PHF24: variants seen among roughly 807,000 people sequenced by gnomAD.
PHF24 encodes PHD finger protein 24.
In PHF24, 25 loss-of-function variants were observed where a neutral mutation model predicts 42.6. The observed-to-expected ratio is 0.59, with a 90% CI of 0.43 to 0.82. PHF24 has a LOEUF of 0.82. Ranked by LOEUF, PHF24 falls within the 40% of genes least tolerant of loss-of-function variation. PHF24 has a pLI of 0.00. For missense variants in PHF24, 470 were observed against 538.1 expected (o/e 0.87, Z 1.25); for synonymous variants, 185 against 204.8 (o/e 0.90, Z 0.83).
the PHF24 span, among the ~76,000 whole-genome samples, chr9:34,791,905 T>C: frequency 6.6e-6 from 1 of 152,136 alleles, no homozygotes; most frequent in Non-Finnish European, 1.5e-5. Context: ...AGAGAGACAA[T>C]GGAGACAGGT....
chr9:34,680,707 TAA>T, the PHF24 span, among the ~76,000 whole-genome samples: 4 of 60,060 alleles, frequency 6.7e-5, no homozygotes, highest in Admixed American at 1.5e-4. Flanking sequence ...AATAAATAAA[TAA>T]AAAAAAAAAT....
upstream of PHF24, among the ~76,000 whole-genome samples, chr9:34,954,509 A>C (rs1319648845): frequency 6.6e-6 from 1 of 152,200 alleles, no homozygotes; most frequent in Non-Finnish European, 1.5e-5. Context: ...TATTGCAAGC[A>C]AAAAGGTTGC....
the PHF24 span, among the ~76,000 whole-genome samples, chr9:34,824,812 T>G: frequency 6.6e-6 from 1 of 152,186 alleles, no homozygotes; most frequent in Non-Finnish European, 1.5e-5. Flanking sequence ...GTGGTCCAGC[T>G]AGGGAAGGTA....
chr9:34,724,010 C>A, the PHF24 span: 1 of 1,547,360 alleles, frequency 6.5e-7, no homozygotes, highest in Non-Finnish European at 8.7e-7. Flanking sequence ...TTCAGCAGGG[C>A]GTCTCTCTTC....
At chr9:34,900,580 CAG>C in the PHF24 span, among the ~76,000 whole-genome samples, 1 of 152,136 alleles carries the variant, frequency 6.6e-6, no homozygotes, top group East Asian at 1.9e-4. Flanking sequence ...GCCTAGGTGA[CAG>C]AGTAAGACCA....
At chr9:34,723,629 G>T in the PHF24 span, 7 of 1,551,708 alleles carry the variant, frequency 4.5e-6, no homozygotes, top group Admixed American at 9.8e-5. Flanking sequence ...TGTAAGGCTG[G>T]GCTTCTTTTG....
chr9:34,709,358 TG>T, the PHF24 span: 1 of 1,604,272 alleles, frequency 6.2e-7, no homozygotes, highest in South Asian at 1.1e-5. Context: ...CTGGTGAGGC[TG>T]GTGGGGTCTC....
the PHF24 span, among the ~76,000 whole-genome samples, chr9:34,718,020 C>T: frequency 2.6e-5 from 4 of 152,114 alleles, no homozygotes; most frequent in African/African-American, 9.7e-5. Context: ...CTTCCCTGGC[C>T]CCTTACTGTA....
At chr9:34,935,134 A>C in the PHF24 span, among the ~76,000 whole-genome samples, 1 of 152,218 alleles carries the variant, frequency 6.6e-6, no homozygotes, top group Non-Finnish European at 1.5e-5. Flanking sequence ...CTAAGGTAAG[A>C]GGGAATGATC....
At chr9:34,875,946 A>ACTCTCTCTCT in the PHF24 span, among the ~76,000 whole-genome samples, 31 of 89,066 alleles carry the variant, frequency 3.5e-4, no homozygotes, top group African/African-American at 1.5e-3. Context: ...ACACACACAC[A>ACTCTCTCTCT]CACACTCTCT....
At chr9:34,790,448 AT>A in the PHF24 span, among the ~76,000 whole-genome samples, 8 of 152,320 alleles carry the variant, frequency 5.3e-5, no homozygotes, top group African/African-American at 1.7e-4. Context: ...TTTAAAAAAA[AT>A]GACTCCATTT....
At chr9:34,833,511 C>A in the PHF24 span, 1 of 1,551,428 alleles carries the variant, frequency 6.4e-7, no homozygotes, top group Non-Finnish European at 8.7e-7. Flanking sequence ...TTTAGACTTT[C>A]AAGAGACTTC....
the PHF24 span, among the ~76,000 whole-genome samples, chr9:34,858,716 A>T: frequency 6.6e-6 from 1 of 152,108 alleles, no homozygotes; most frequent in Admixed American, 6.5e-5. Flanking sequence ...AGTTCTTTGT[A>T]TTTCTGTTTA....
At chr9:34,803,520 G>GT in the PHF24 span, among the ~76,000 whole-genome samples, 2 of 152,188 alleles carry the variant, frequency 1.3e-5, no homozygotes, top group African/African-American at 4.8e-5. Context: ...AAACAGGAGT[G>GT]TAAGAGGGGA....
At chr9:34,901,735 TA>T in the PHF24 span, among the ~76,000 whole-genome samples, 1 of 152,118 alleles carries the variant, frequency 6.6e-6, no homozygotes, top group South Asian at 2.1e-4. Flanking sequence ...AATAAATTTA[TA>T]AGCCAATCAA....
At chr9:34,738,017 C>T in the PHF24 span, among the ~76,000 whole-genome samples, 1 of 134,988 alleles carries the variant, frequency 7.4e-6, no homozygotes, top group Non-Finnish European at 1.7e-5. Flanking sequence ...TACAGAAAGT[C>T]CAGAAGATTA....
chr9:34,780,819 AG>A, the PHF24 span, among the ~76,000 whole-genome samples: 2 of 152,228 alleles, frequency 1.3e-5, no homozygotes, highest in African/African-American at 4.8e-5. Flanking sequence ...ATTTTTCCAA[AG>A]AAGATATACA....
At chr9:34,789,360 T>C in the PHF24 span, among the ~76,000 whole-genome samples, 1 of 152,222 alleles carries the variant, frequency 6.6e-6, no homozygotes, top group Non-Finnish European at 1.5e-5. Context: ...TCTTTTTGGC[T>C]AAATTGTCTC....
At chr9:34,978,782 A>C (rs1827295009) in exon 8 of PHF24, 1 of 152,226 alleles carries the variant, frequency 6.6e-6, no homozygotes, top group Non-Finnish European at 1.5e-5. Flanking sequence ...TGGTGACAGA[A>C]AAGGCAACTA....
Sources: allele counts gnomAD v4.1 joint callset (sites outside exome capture counted in the v4.1 genomes callset), GRCh38; gene constraint gnomAD v4.1.1; transcripts MANE v1.5; gene names NCBI Gene and HGNC (gene_info 2026-07-23, HGNC 2026-07-21).